GCNT2: variants seen among roughly 807,000 people sequenced by gnomAD.
GCNT2 encodes N-acetyllactosaminide beta-1,6-N-acetylglucosaminyl-transferase.
In GCNT2, 34 loss-of-function variants were observed where a neutral mutation model predicts 34.2. The observed-to-expected ratio is 1.00, with a 90% confidence interval of 0.76 to 1.32. GCNT2 has a LOEUF of 1.32. Among genes scored for constraint, GCNT2 ranks in the 40% most tolerant of loss-of-function variants. GCNT2 has a pLI of 0.00. For missense variants in GCNT2, 584 were observed against 489.4 expected (o/e 1.19, Z -1.82); for synonymous variants, 212 against 188.0 (o/e 1.13, Z -1.04).
intron 3 of GCNT2, among the ~76,000 whole-genome samples, chr6:10,591,493 G>A (rs1187433801): frequency 6.6e-6 from 1 of 152,232 alleles, no homozygotes; most frequent in East Asian, 1.9e-4. Context: ...ATGTTAATGG[G>A]ATAGAGTCTT....
intron 3 of GCNT2, among the ~76,000 whole-genome samples, chr6:10,576,957 G>A (rs1561812455): frequency 1.3e-5 from 2 of 152,130 alleles, no homozygotes; most frequent in East Asian, 1.9e-4. Context: ...CCAAGTGCCT[G>A]TAGTCTCAGC....
intron 3 of GCNT2, among the ~76,000 whole-genome samples, chr6:10,535,907 C>A (rs1393945133): frequency 3.3e-5 from 5 of 152,050 alleles, no homozygotes; most frequent in Non-Finnish European, 7.3e-5. Flanking sequence ...TGCGGACTAG[C>A]CCTATTGGAT....
chr6:10,548,694 G>A lies in GCNT2; in HGVS notation c.925+18858G>A, dbSNP rs80218766. 5.2e-3 allele frequency among the ~76,000 whole-genome samples: 789 copies of A among 151,870 alleles called. 6 individuals carry two copies. The highest frequency in any genetic ancestry group is 0.018 in the African/African-American group (740 of 41,484). On this transcript the variant is annotated intron_variant, in intron 3 of 4. Transcript: ENST00000495262. ...CAACATTATGTTTGTGAGATTCACC[G>A]TTTTGTTGCAGGCAGTTGTATTTCA...
chr6:10,535,179 A>G (rs1039323431), intron 3 of GCNT2, among the ~76,000 whole-genome samples: 4 of 152,106 alleles, frequency 2.6e-5, no homozygotes, highest in African/African-American at 9.7e-5. Flanking sequence ...GCGAGACTCC[A>G]TCTCAAAAAC....
rs533387899 is a variant in GCNT2 at position 10,592,745 on chromosome 6, GTTTGTTTA to G, written c.926-28602_926-28595del. Among the ~76,000 whole-genome samples the G allele has an allele frequency of 1.8e-3, 269 of 152,052 alleles. 1 individual carries two copies. The highest frequency in any genetic ancestry group is 9.2e-3 in the South Asian group (44 of 4,804). On this transcript the variant is annotated intron_variant, in intron 3 of 4. Coordinates refer to ENST00000495262, the MANE Select transcript of GCNT2 (RefSeq NM_145649.5). ...TTTATTTTTATTTGTTTGTTTGTTT[GTTTGTTTA>G]TTTATTTGAGACAGAGTACCACTCT...
chr6:10,560,509 C>T (rs1762927290), intron 3 of GCNT2, among the ~76,000 whole-genome samples: 1 of 152,120 alleles, frequency 6.6e-6, no homozygotes, highest in African/African-American at 2.4e-5. Context: ...TCCCTCAAAG[C>T]GACCGCCTCC....
chr6:10,594,138 G>T (rs1641551345), intron 3 of GCNT2, among the ~76,000 whole-genome samples: 1 of 152,214 alleles, frequency 6.6e-6, no homozygotes, highest in South Asian at 2.1e-4. Flanking sequence ...CTACCCCGAA[G>T]TTTCTGATTC....
intron 3 of GCNT2, among the ~76,000 whole-genome samples, chr6:10,554,107 G>A (rs1301135437): frequency 6.6e-6 from 1 of 152,194 alleles, no homozygotes; most frequent in East Asian, 1.9e-4. Flanking sequence ...AGGCAGGCCT[G>A]GAGGGCTGAC....
intron 3 of GCNT2, among the ~76,000 whole-genome samples, chr6:10,553,974 A>G (rs1397544977): frequency 6.6e-6 from 1 of 152,212 alleles, no homozygotes; most frequent in Non-Finnish European, 1.5e-5. Flanking sequence ...AGCCTCTAAG[A>G]TGGCCCCAGG....
At chr6:10,574,105 G>T (rs1441392617) in intron 3 of GCNT2, among the ~76,000 whole-genome samples, 2 of 152,178 alleles carry the variant, frequency 1.3e-5, no homozygotes, top group Non-Finnish European at 2.9e-5. Flanking sequence ...ACCCTATGGG[G>T]TCAGCGTTCT....
chr6:10,569,249 A>C (rs6930273), intron 3 of GCNT2, among the ~76,000 whole-genome samples: 8 of 145,352 alleles, frequency 5.5e-5, no homozygotes, highest in African/African-American at 2.1e-4. Flanking sequence ...ACACACACAC[A>C]CACACACACA....
intron 3 of GCNT2, among the ~76,000 whole-genome samples, chr6:10,606,646 T>C (rs1003944078): frequency 2.1e-5 from 3 of 144,570 alleles, no homozygotes; most frequent in Admixed American, 7.0e-5. Flanking sequence ...TAAAGAAATT[T>C]AATGGAAATT....
intron 3 of GCNT2, among the ~76,000 whole-genome samples, chr6:10,535,828 G>C (rs375651442): frequency 1.3e-5 from 2 of 152,126 alleles, no homozygotes; most frequent in Non-Finnish European, 2.9e-5. Flanking sequence ...GAAGATACCT[G>C]GTGGGTGATT....
chr6:10,582,461 A>ATTT (rs1561816744), intron 3 of GCNT2, among the ~76,000 whole-genome samples: 7 of 127,280 alleles, frequency 5.5e-5, no homozygotes, highest in South Asian at 2.2e-4. Flanking sequence ...TATATATAAT[A>ATTT]AATATAATAT....
chr6:10,539,469 G>A (rs915529013), intron 3 of GCNT2, among the ~76,000 whole-genome samples: 1 of 152,042 alleles, frequency 6.6e-6, no homozygotes. Context: ...AATTACAGAC[G>A]TGAGCCACTG....
intron 3 of GCNT2, chr6:10,557,488 A>T: frequency 1.5e-6 from 1 of 674,844 alleles, no homozygotes; most frequent in East Asian, 2.7e-5. Flanking sequence ...ATGCAGAAAG[A>T]TGTTCTTTTT....
chr6:10,568,558 C>T (rs147201047), intron 3 of GCNT2, among the ~76,000 whole-genome samples: 5 of 152,332 alleles, frequency 3.3e-5, no homozygotes, highest in African/African-American at 1.2e-4. Context: ...TATTTTGCTT[C>T]TTAAGACATA....
chr6:10,570,058 T>C (rs1279633220), intron 3 of GCNT2, among the ~76,000 whole-genome samples: 1 of 152,030 alleles, frequency 6.6e-6, no homozygotes, highest in Non-Finnish European at 1.5e-5. Flanking sequence ...AGCCTCAACC[T>C]ACCAGGCTCA....
Position 10,537,292 on chromosome 6 carries a change from A to G in GCNT2, c.925+7456A>G, listed in dbSNP as rs547860732. 8.8e-4 allele frequency among the ~76,000 whole-genome samples: 134 copies of G among 152,286 alleles called. 1 individual carries two copies. The highest frequency in any genetic ancestry group is 2.8e-3 in the African/African-American group (116 of 41,550). ...TCGGGCATTCTGTGGCTCACACTCT[A>G]TCCTTACTTTCTTCTTCCTCCTTCC... On this transcript the variant is annotated intron_variant, in intron 3 of 4. Transcript: ENST00000495262.
Sources: gnomAD v4.1 joint callset for allele counts (sites outside exome capture counted in the v4.1 genomes callset) on GRCh38, gnomAD v4.1.1 for gene constraint, MANE v1.5 for transcripts, NCBI Gene and HGNC (gene_info 2026-07-23, HGNC 2026-07-21) for gene names.